The following ROBO2 variants were observed in gnomAD, a reference collection of about 807,000 sequenced individuals.
ROBO2 encodes the protein roundabout guidance receptor 2.
In ROBO2, 53 loss-of-function variants were observed where a neutral mutation model predicts 160.8. The ratio of observed to expected loss-of-function variants is 0.33; its 90% CI spans 0.26 to 0.41. The LOEUF (loss-of-function observed/expected upper bound fraction) is 0.41. Among genes scored for constraint, ROBO2 ranks in the 10% least tolerant of loss-of-function variants. The pLI, the probability that ROBO2 is intolerant of heterozygous loss-of-function variation, is 1.00. For missense variants in ROBO2, 1,577 were observed against 1,722.4 expected (o/e 0.92, Z 1.49); for synonymous variants, 664 against 611.7 (o/e 1.09, Z -1.26).
At chr3:75,937,534 C>A in exon 2 of ROBO2, 3 of 1,578,606 alleles carry the variant, frequency 1.9e-6, no homozygotes, top group Non-Finnish European at 1.7e-6. Context: ...AGGATGTGGA[C>A]ATGGGCTCCG....
chr3:75,982,400 A>G (rs964486585), intron 2 of ROBO2, among the ~76,000 whole-genome samples: 1 of 151,506 alleles, frequency 6.6e-6, no homozygotes, highest in Middle Eastern at 3.2e-3. Flanking sequence ...ACAGTGTACA[A>G]ATGTTTCCTT....
intron 2 of ROBO2, among the ~76,000 whole-genome samples, chr3:77,418,588 A>T (rs1431111624): frequency 6.6e-6 from 1 of 152,124 alleles, no homozygotes; most frequent in African/African-American, 2.4e-5. Context: ...TTTAAGAGCC[A>T]CAAAGAAAAG....
intron 2 of ROBO2, among the ~76,000 whole-genome samples, chr3:76,778,413 G>T (rs1576570510): frequency 1.3e-5 from 2 of 151,008 alleles, no homozygotes; most frequent in East Asian, 3.9e-4. Context: ...TTCTAAGTGT[G>T]AGATTCTTCA....
At chr3:75,929,041 T>A (rs1434947076) in intron 1 of ROBO2, among the ~76,000 whole-genome samples, 2 of 145,028 alleles carry the variant, frequency 1.4e-5, no homozygotes, top group Non-Finnish European at 3.0e-5. Context: ...ACTTTCAATG[T>A]ACCTTCAAAC....
At chr3:76,898,071 C>T (rs917967721) in intron 2 of ROBO2, among the ~76,000 whole-genome samples, 1 of 152,034 alleles carries the variant, frequency 6.6e-6, no homozygotes, top group African/African-American at 2.4e-5. Context: ...TGCATTGTCT[C>T]TCATAAGGGA....
intron 2 of ROBO2, among the ~76,000 whole-genome samples, chr3:77,208,755 T>C (rs2083737022): frequency 6.6e-6 from 1 of 152,206 alleles, no homozygotes; most frequent in Admixed American, 6.5e-5. Context: ...CCATATTTTC[T>C]TATTTCTTGA....
chr3:77,465,731 A>G (rs2153575720), intron 2 of ROBO2, among the ~76,000 whole-genome samples: 1 of 152,176 alleles, frequency 6.6e-6, no homozygotes, highest in East Asian at 1.9e-4. Flanking sequence ...CTTCATGAGA[A>G]CTCAGTATTA....
Position 76,659,269 on chromosome 3 carries a change from A to G in ROBO2, c.110-438745A>G, listed in dbSNP as rs115707857. Reference sequence around the variant, plus strand: ...TATTATTACTATTTGTCTTTGATATATTTCCAGGGGTTGGGGGAAGGTGAG... The same window carrying G: ...TATTATTACTATTTGTCTTTGATATGTTTCCAGGGGTTGGGGGAAGGTGAG... On this transcript the variant is annotated intron_variant, in intron 2 of 26. Coordinates refer to the ROBO2 transcript ENST00000487694. Among the ~76,000 whole-genome samples the G allele has an allele frequency of 5.9e-3, 889 of 149,756 alleles. 7 individuals are homozygous for G. The highest frequency in any genetic ancestry group is 0.018 in the African/African-American group (728 of 41,088).
intron 7 of ROBO2, 43 bp downstream of exon 8, chr3:77,546,505 C>T: frequency 6.2e-7 from 1 of 1,610,084 alleles, no homozygotes; most frequent in Non-Finnish European, 8.5e-7. Context: ...CTCTGAACTT[C>T]TACTGTCTCT....
At chr3:76,118,504 T>C (rs1048841598) in intron 2 of ROBO2, among the ~76,000 whole-genome samples, 4 of 152,154 alleles carry the variant, frequency 2.6e-5, no homozygotes, top group African/African-American at 9.6e-5. Context: ...ATGATGGAGA[T>C]GAGATTCTCA....
intron 2 of ROBO2, among the ~76,000 whole-genome samples, chr3:76,485,790 G>T (rs1278228726): frequency 6.6e-6 from 1 of 152,048 alleles, no homozygotes; most frequent in Non-Finnish European, 1.5e-5. Flanking sequence ...CTATTGCTTT[G>T]GTGTGCCCTC....
chr3:77,165,809 C>A (rs1459452550), intron 2 of ROBO2, among the ~76,000 whole-genome samples: 2 of 152,148 alleles, frequency 1.3e-5, no homozygotes, highest in Non-Finnish European at 2.9e-5. Flanking sequence ...GTATCTCAAT[C>A]TTTACCAAGA....
chr3:76,504,228 G>A lies in ROBO2; in HGVS notation c.109+566626G>A, dbSNP rs141308200. On this transcript the variant is annotated intron_variant, in intron 2 of 26. Coordinates refer to the ROBO2 transcript ENST00000487694. Reference sequence around the variant, plus strand: ...ATGTAAAATAGAGGTTTTGTACGACGTTGGTCATGTTCACTATGCAGTTGT... The same window carrying A: ...ATGTAAAATAGAGGTTTTGTACGACATTGGTCATGTTCACTATGCAGTTGT... Among the ~76,000 whole-genome samples, 520 of 152,266 alleles carry A rather than the reference G, an allele frequency of 3.4e-3. 6 individuals are homozygous for A. Among genetic ancestry groups the A allele is most frequent in the African/African-American group, 0.012 (502 of 41,570 alleles).
At chr3:76,749,703 A>G (rs72892309) in intron 2 of ROBO2, among the ~76,000 whole-genome samples, 20,028 of 152,162 alleles carry the variant, frequency 0.13, 1,564 homozygotes, top group African/African-American at 0.21. Context: ...TGCCATGGAA[A>G]GATGTTTGTA....
chr3:75,959,789 A>T (rs1948846888), intron 2 of ROBO2, among the ~76,000 whole-genome samples: 1 of 151,762 alleles, frequency 6.6e-6, no homozygotes, highest in African/African-American at 2.4e-5. Context: ...GTTAAAAAAT[A>T]AAATTTACCA....
intron 2 of ROBO2, among the ~76,000 whole-genome samples, chr3:76,053,007 C>T (rs565372940): frequency 6.6e-6 from 1 of 151,934 alleles, no homozygotes; most frequent in East Asian, 1.9e-4. Context: ...TAAGCTTTAA[C>T]TTTGAGATAA....
At chr3:76,444,941 A>G (rs1042025265) in intron 2 of ROBO2, among the ~76,000 whole-genome samples, 1 of 152,200 alleles carries the variant, frequency 6.6e-6, no homozygotes, top group Admixed American at 6.5e-5. Context: ...GGCATTCAAT[A>G]AACTCCATTG....
chr3:76,317,115 A>G (rs772779567), intron 2 of ROBO2, among the ~76,000 whole-genome samples: 41 of 152,272 alleles, frequency 2.7e-4, no homozygotes, highest in Admixed American at 1.7e-3. Context: ...CTTTTTAACC[A>G]CTTTGTAAGT....
chr3:76,595,539 A>C (rs767685296), intron 2 of ROBO2, among the ~76,000 whole-genome samples: 14 of 152,156 alleles, frequency 9.2e-5, no homozygotes, highest in Non-Finnish European at 1.0e-4. Flanking sequence ...AAAAAGCATA[A>C]AATTATATTT....
Sources: gnomAD v4.1 joint callset for allele counts (sites outside exome capture counted in the v4.1 genomes callset) on GRCh38, gnomAD v4.1.1 for gene constraint, MANE v1.5 for transcripts, NCBI Gene and HGNC (gene_info 2026-07-23, HGNC 2026-07-21) for gene names.